The following CTNNA2 variants were observed in gnomAD, a reference collection of about 807,000 sequenced individuals.
CTNNA2 encodes the protein catenin alpha 2.
CTNNA2 carries 42 observed loss-of-function variants against 101.0 expected under a neutral mutation model. That is an observed-to-expected ratio of 0.42 (90% CI 0.32 to 0.54). The LOEUF (loss-of-function observed/expected upper bound fraction) is 0.54. Among genes scored for constraint, CTNNA2 ranks in the 20% least tolerant of loss-of-function variants. The probability of loss-of-function intolerance (pLI) is 0.14; values close to 1 mark genes in which losing one functional copy is unlikely to be tolerated. For synonymous variants in CTNNA2, 450 were observed against 456.4 expected (o/e 0.99, Z 0.18); for missense variants, 871 against 1,223.1 (o/e 0.71, Z 4.29).
intron 7 of CTNNA2, among the ~76,000 whole-genome samples, chr2:80,132,376 A>T (rs761991235): frequency 6.6e-6 from 1 of 152,152 alleles, no homozygotes; most frequent in Admixed American, 6.5e-5. Context: ...TCTTTCATGC[A>T]TCTTCCTTCC....
chr2:80,493,447 A>T (rs575490784), intron 9 of CTNNA2, among the ~76,000 whole-genome samples: 1 of 152,196 alleles, frequency 6.6e-6, no homozygotes, highest in African/African-American at 2.4e-5. Context: ...AGGCATGTGT[A>T]GTCCTGGAAG....
chr2:80,419,961 C>T (rs1483878206), intron 9 of CTNNA2, among the ~76,000 whole-genome samples: 1 of 149,244 alleles, frequency 6.7e-6, no homozygotes, highest in Non-Finnish European at 1.5e-5. Context: ...GACACTTCTC[C>T]CTTTTTTCCC....
intron 7 of CTNNA2, among the ~76,000 whole-genome samples, chr2:80,157,201 G>A (rs192554191): frequency 8.5e-5 from 13 of 152,184 alleles, no homozygotes; most frequent in Admixed American, 7.8e-4. Context: ...TCCATAAGAG[G>A]GGATGAATGA....
At chr2:79,204,679 TG>T (rs1674078897) in intron 2 of CTNNA2, among the ~76,000 whole-genome samples, 1 of 152,228 alleles carries the variant, frequency 6.6e-6, no homozygotes, top group Non-Finnish European at 1.5e-5. Context: ...CTCATAGTTC[TG>T]GAGGCTGGGA....
At chr2:80,039,422 C>T (rs779767570) in intron 7 of CTNNA2, among the ~76,000 whole-genome samples, 6 of 152,136 alleles carry the variant, frequency 3.9e-5, no homozygotes, top group Non-Finnish European at 8.8e-5. Flanking sequence ...TTTATCAGTC[C>T]GTCTTCTCAT....
intron 7 of CTNNA2, among the ~76,000 whole-genome samples, chr2:80,016,805 A>G (rs1694182991): frequency 6.6e-6 from 1 of 152,190 alleles, no homozygotes; most frequent in South Asian, 2.1e-4. Context: ...ACTTCCAATT[A>G]AAGTTCATTT....
intron 2 of CTNNA2, among the ~76,000 whole-genome samples, chr2:79,256,264 C>A (rs1025678255): frequency 6.6e-6 from 1 of 152,104 alleles, no homozygotes; most frequent in Non-Finnish European, 1.5e-5. Context: ...AGACTCTTTC[C>A]AGCCACCTCA....
chr2:79,306,561 T>C (rs1231571619), intron 2 of CTNNA2, among the ~76,000 whole-genome samples: 2 of 152,238 alleles, frequency 1.3e-5, no homozygotes, highest in East Asian at 1.9e-4. Flanking sequence ...TAACACACTT[T>C]TGGTGGACAC....
intron 2 of CTNNA2, among the ~76,000 whole-genome samples, chr2:79,708,351 C>T (rs1482955276): frequency 6.6e-6 from 1 of 151,972 alleles, no homozygotes; most frequent in African/African-American, 2.4e-5. Context: ...TCCTTTTCAC[C>T]CTATTTATAT....
intron 7 of CTNNA2, among the ~76,000 whole-genome samples, chr2:80,389,519 C>T (rs946591157): frequency 6.6e-6 from 1 of 152,082 alleles, no homozygotes; most frequent in Non-Finnish European, 1.5e-5. Flanking sequence ...CTTTTCCTCT[C>T]TCTGTCTCAC....
intron 7 of CTNNA2, among the ~76,000 whole-genome samples, chr2:80,230,638 C>G (rs528257573): frequency 1.3e-5 from 2 of 152,224 alleles, no homozygotes; most frequent in Non-Finnish European, 2.9e-5. Context: ...GAGAAAGCCA[C>G]AAGAAGAGAT....
At chr2:79,694,016 T>TAGTGTTTGC (rs1684491650) in intron 2 of CTNNA2, among the ~76,000 whole-genome samples, 1 of 151,998 alleles carries the variant, frequency 6.6e-6, no homozygotes, top group African/African-American at 2.4e-5. Context: ...ATTATTCATA[T>TAGTGTTTGC]AGTGTTTGCA....
At chr2:79,969,108 C>G (rs753484076) in intron 7 of CTNNA2, among the ~76,000 whole-genome samples, 12 of 152,086 alleles carry the variant, frequency 7.9e-5, no homozygotes, top group Admixed American at 6.5e-5. Flanking sequence ...ACTTCAGGGA[C>G]CAAATCTAAT....
intron 2 of CTNNA2, among the ~76,000 whole-genome samples, chr2:79,682,017 C>A (rs1269043405): frequency 1.3e-5 from 2 of 152,134 alleles, no homozygotes; most frequent in Admixed American, 6.6e-5. Flanking sequence ...TGAGGGAGGA[C>A]TGGATTTCTC....
chr2:79,671,119 C>G (rs1682806760), intron 2 of CTNNA2, among the ~76,000 whole-genome samples: 1 of 152,198 alleles, frequency 6.6e-6, no homozygotes, highest in Non-Finnish European at 1.5e-5. Flanking sequence ...ATTGGCACTT[C>G]GAGAGAAGCA....
At chr2:79,738,383 AG>A (rs1299456972) in intron 2 of CTNNA2, among the ~76,000 whole-genome samples, 3 of 152,216 alleles carry the variant, frequency 2.0e-5, no homozygotes, top group Non-Finnish European at 4.4e-5. Flanking sequence ...GGTTGTGGTT[AG>A]GAAGTCTGCA....
chr2:79,471,181 T>C (rs1670994518), intron 4 of CTNNA2, among the ~76,000 whole-genome samples: 1 of 152,186 alleles, frequency 6.6e-6, no homozygotes, highest in African/African-American at 2.4e-5. Flanking sequence ...CACATTTATC[T>C]AAATCAGGTT....
intron 7 of CTNNA2, among the ~76,000 whole-genome samples, chr2:80,252,718 C>A (rs193076629): frequency 5.1e-4 from 77 of 152,170 alleles, no homozygotes; most frequent in African/African-American, 1.8e-3. Flanking sequence ...TGCTTTTTAC[C>A]ATGACTAGTG....
At chr2:80,574,384 A>G (rs1694864019) in intron 13 of CTNNA2, 70 bp downstream of exon 13, 1 of 1,434,682 alleles carries the variant, frequency 7.0e-7, no homozygotes, top group Non-Finnish European at 9.2e-7. Context: ...TAACTGTCTT[A>G]TTTATTATTT....
Sources: gnomAD v4.1 joint callset for allele counts (sites outside exome capture counted in the v4.1 genomes callset) on GRCh38, gnomAD v4.1.1 for gene constraint, MANE v1.5 for transcripts, NCBI Gene and HGNC (gene_info 2026-07-23, HGNC 2026-07-21) for gene names.